The following PTPRT variants were observed in gnomAD, a reference collection of about 807,000 sequenced individuals.
PTPRT encodes receptor-type tyrosine-protein phosphatase T.
PTPRT carries 56 observed loss-of-function variants against 176.8 expected under a neutral mutation model. The observed-to-expected ratio is 0.32, with a 90% CI of 0.26 to 0.40. The LOEUF (loss-of-function observed/expected upper bound fraction) is 0.40. Among genes scored for constraint, PTPRT ranks in the 10% least tolerant of loss-of-function variants. The pLI, the probability that PTPRT is intolerant of heterozygous loss-of-function variation, is 1.00. For missense variants in PTPRT, 1,540 were observed against 1,908.2 expected (o/e 0.81, Z 3.60); for synonymous variants, 783 against 739.0 (o/e 1.06, Z -0.96).
chr20:42,784,470 G>T (rs1425925362), intron 3 of PTPRT, among the ~76,000 whole-genome samples: 2 of 152,102 alleles, frequency 1.3e-5, no homozygotes, highest in African/African-American at 4.8e-5. Context: ...TACCCTATCA[G>T]CCCAAGGAGA....
intron 7 of PTPRT, among the ~76,000 whole-genome samples, chr20:42,536,298 GA>G (rs1325117948): frequency 2.0e-5 from 3 of 152,146 alleles, no homozygotes; most frequent in Admixed American, 6.5e-5. Flanking sequence ...GTAACACCAT[GA>G]GAGAAATTTC....
intron 28 of PTPRT, 120 bp downstream of exon 28, chr20:42,085,608 A>G: frequency 1.4e-6 from 2 of 1,434,776 alleles, no homozygotes; most frequent in Non-Finnish European, 9.5e-7. Flanking sequence ...TTCCTCAAGG[A>G]AGAAATTATC....
At chr20:43,070,611 G>A (rs1472123379) in intron 1 of PTPRT, among the ~76,000 whole-genome samples, 1 of 152,184 alleles carries the variant, frequency 6.6e-6, no homozygotes, top group Non-Finnish European at 1.5e-5. Flanking sequence ...TTAAGAAAAT[G>A]TGGCACATAT....
intron 1 of PTPRT, among the ~76,000 whole-genome samples, chr20:43,010,640 A>G (rs1985067966): frequency 6.6e-6 from 1 of 152,038 alleles, no homozygotes; most frequent in African/African-American, 2.4e-5. Flanking sequence ...CACAACAATC[A>G]ACATCATCAT....
At chr20:42,827,189 A>G (rs915233639) in intron 2 of PTPRT, among the ~76,000 whole-genome samples, 1 of 152,152 alleles carries the variant, frequency 6.6e-6, no homozygotes, top group African/African-American at 2.4e-5. Flanking sequence ...TTAACTCAAC[A>G]TTGGACCAGA....
intron 7 of PTPRT, among the ~76,000 whole-genome samples, chr20:42,623,008 T>G (rs1437659451): frequency 6.6e-6 from 1 of 152,176 alleles, no homozygotes; most frequent in African/African-American, 2.4e-5. Flanking sequence ...CACGGACGAA[T>G]GGCAAAATGG....
At chr20:43,112,756 T>G (rs2012914793) in intron 1 of PTPRT, among the ~76,000 whole-genome samples, 1 of 152,326 alleles carries the variant, frequency 6.6e-6, no homozygotes, top group South Asian at 2.1e-4. Context: ...ATTAACCCCA[T>G]ATGGCCCAGG....
intron 1 of PTPRT, among the ~76,000 whole-genome samples, chr20:43,149,676 T>C (rs2014282060): frequency 6.6e-6 from 1 of 152,214 alleles, no homozygotes; most frequent in African/African-American, 2.4e-5. Context: ...GTAACATGTG[T>C]GAAAGGCCCT....
chr20:43,048,386 C>T (rs965512031), intron 1 of PTPRT, among the ~76,000 whole-genome samples: 12 of 152,164 alleles, frequency 7.9e-5, no homozygotes, highest in African/African-American at 2.9e-4. Context: ...AACTATGGGT[C>T]CTAGGGAGCC....
At chr20:43,018,870 T>C (rs534171322) in intron 1 of PTPRT, among the ~76,000 whole-genome samples, 1 of 152,200 alleles carries the variant, frequency 6.6e-6, no homozygotes, top group African/African-American at 2.4e-5. Flanking sequence ...GGAAAACTTT[T>C]ACAGGATTAG....
intron 2 of PTPRT, among the ~76,000 whole-genome samples, chr20:42,847,043 T>C (rs1257345731): frequency 6.6e-6 from 1 of 152,192 alleles, no homozygotes; most frequent in African/African-American, 2.4e-5. Flanking sequence ...CTCCTTGTCC[T>C]CCAGTTTTTA....
intron 1 of PTPRT, among the ~76,000 whole-genome samples, chr20:43,039,949 G>A (rs981903482): frequency 6.6e-6 from 1 of 152,112 alleles, no homozygotes; most frequent in Non-Finnish European, 1.5e-5. Flanking sequence ...GCTGAGGCAG[G>A]AGAATTGTTT....
chr20:43,179,620 C>A (rs531869735), intron 1 of PTPRT, among the ~76,000 whole-genome samples: 1 of 152,330 alleles, frequency 6.6e-6, no homozygotes, highest in Non-Finnish European at 1.5e-5. Context: ...CTTCTACTTT[C>A]TGACATGCCT....
chr20:42,938,639 A>G (rs1006417034), intron 1 of PTPRT, among the ~76,000 whole-genome samples: 63 of 152,188 alleles, frequency 4.1e-4, no homozygotes, highest in African/African-American at 1.3e-3. Context: ...CTCACTTAAT[A>G]AGGAGTTGTG....
At chr20:42,387,099 T>C (rs1262684184) in intron 9 of PTPRT, among the ~76,000 whole-genome samples, 2 of 152,188 alleles carry the variant, frequency 1.3e-5, no homozygotes, top group Admixed American at 6.5e-5. Context: ...ATAAGGCAAG[T>C]CTTAGTGGAA....
At chr20:42,683,462 G>A (rs185442022) in intron 6 of PTPRT, among the ~76,000 whole-genome samples, 1 of 152,230 alleles carries the variant, frequency 6.6e-6, no homozygotes, top group East Asian at 1.9e-4. Context: ...ACTTTTAGTA[G>A]AGACGTGGTT....
chr20:43,132,602 A>G (rs1405008577), intron 1 of PTPRT, among the ~76,000 whole-genome samples: 1 of 152,212 alleles, frequency 6.6e-6, no homozygotes, highest in African/African-American at 2.4e-5. Flanking sequence ...TAAACACAGC[A>G]TGAAGAATCA....
chr20:42,230,314 C>G (rs6065446), intron 15 of PTPRT, among the ~76,000 whole-genome samples: 2 of 152,102 alleles, frequency 1.3e-5, no homozygotes, highest in Non-Finnish European at 2.9e-5. Context: ...GAAGTAGTTA[C>G]GTGCTCTCTC....
intron 6 of PTPRT, among the ~76,000 whole-genome samples, chr20:42,752,269 T>G (rs1292315735): frequency 6.6e-6 from 1 of 152,228 alleles, no homozygotes; most frequent in Non-Finnish European, 1.5e-5. Context: ...ACAAATACCT[T>G]AGAGTGCCTA....
Sources: gnomAD v4.1 joint callset for allele counts (sites outside exome capture counted in the v4.1 genomes callset) on GRCh38, gnomAD v4.1.1 for gene constraint, MANE v1.5 for transcripts, NCBI Gene and HGNC (gene_info 2026-07-23, HGNC 2026-07-21) for gene names.